ZBTB7C: variants seen among roughly 807,000 people sequenced by gnomAD.
The protein encoded by ZBTB7C is zinc finger and BTB domain containing 7C, also known as zinc finger and BTB domain-containing protein 7C.
Under a neutral mutation model 25.7 loss-of-function variants are expected in ZBTB7C, and 8 were observed. That is an observed-to-expected ratio of 0.31 (90% CI 0.18 to 0.56). The LOEUF is 0.56. ZBTB7C is among the 20% of genes least tolerant of loss of function. The pLI, the probability that ZBTB7C is intolerant of heterozygous loss-of-function variation, is 0.91. For synonymous variants in ZBTB7C, 394 were observed against 369.0 expected (o/e 1.07, Z -0.78); for missense variants, 824 against 855.2 (o/e 0.96, Z 0.46).
chr18:48,228,596 G>A (rs948658066), intron 2 of ZBTB7C, among the ~76,000 whole-genome samples: 1 of 151,992 alleles, frequency 6.6e-6, no homozygotes. Context: ...CAGGAAGAAG[G>A]GCAGTAGTCC....
chr18:48,378,656 A>C (rs1405827668), intron 1 of ZBTB7C, among the ~76,000 whole-genome samples: 1 of 152,196 alleles, frequency 6.6e-6, no homozygotes, highest in Non-Finnish European at 1.5e-5. Flanking sequence ...CAAAACAAAC[A>C]ACTTGGAAAG....
chr18:48,034,479 G>C (rs1239152961), intron 4 of ZBTB7C, among the ~76,000 whole-genome samples: 1 of 152,010 alleles, frequency 6.6e-6, no homozygotes. Flanking sequence ...GCCAAGCCCA[G>C]AGCCAGGGTG....
chr18:48,103,093 ATATAT>A (rs10580630), intron 3 of ZBTB7C, among the ~76,000 whole-genome samples: 22,300 of 111,914 alleles, frequency 0.2, 2,050 homozygotes, highest in East Asian at 0.23. Context: ...TATATCTTAT[ATATAT>A]TATATATTTT....
At chr18:48,043,144 G>A (rs2036325265) in intron 3 of ZBTB7C, among the ~76,000 whole-genome samples, 1 of 152,246 alleles carries the variant, frequency 6.6e-6, no homozygotes, top group Admixed American at 6.5e-5. Flanking sequence ...TGGTAGGAAT[G>A]TAGAATGGTA....
At chr18:48,272,687 A>G (rs190169394) in intron 2 of ZBTB7C, among the ~76,000 whole-genome samples, 87 of 152,350 alleles carry the variant, frequency 5.7e-4, no homozygotes, top group Non-Finnish European at 9.7e-4. Context: ...ATCTGCCCTC[A>G]CAAAAACTTG....
At chr18:48,360,897 C>G (rs2047089980) in intron 1 of ZBTB7C, among the ~76,000 whole-genome samples, 1 of 152,062 alleles carries the variant, frequency 6.6e-6, no homozygotes, top group Non-Finnish European at 1.5e-5. Context: ...TCCCTGAAAG[C>G]TGGTTGTTAG....
Position 48,355,524 on chromosome 18 carries a change from A to C in ZBTB7C, c.-303-17126T>G, listed in dbSNP as rs190465035. On this transcript the variant is annotated intron_variant, in intron 1 of 4. Transcript: ENST00000590800. ...CCTTCCTGCCCCTCCTAGGAACCCC[A>C]CTTAGCCATTCGCTTCCGCACTATC... Among the ~76,000 whole-genome samples, 444 of 152,060 alleles carry C rather than the reference A, an allele frequency of 2.9e-3. 3 individuals are homozygous for C. The highest frequency in any genetic ancestry group is 4.3e-3 in the Non-Finnish European group (295 of 67,946).
chr18:48,184,341 T>C (rs12957159), intron 3 of ZBTB7C, among the ~76,000 whole-genome samples: 32,647 of 152,126 alleles, frequency 0.21, 3,767 homozygotes, highest in South Asian at 0.28. Flanking sequence ...ATCTGAGCAA[T>C]GTCCAGTTAT....
chr18:48,391,782 C>T (rs11663367), intron 1 of ZBTB7C, among the ~76,000 whole-genome samples: 23,009 of 152,164 alleles, frequency 0.15, 2,231 homozygotes, highest in Non-Finnish European at 0.22. Context: ...ACATCTCTCA[C>T]GAGATCCCAA....
rs76186456 is a variant in ZBTB7C, at chr18:48,059,111, T to C, written c.-16-17988A>G. ...GCTATGGTTTTGGGGCATTTTGTTA[T>C]GCAGAAACAGCTAACTAATGTACAT... On this transcript the variant is annotated intron_variant, in intron 3 of 4. Coordinates refer to ENST00000590800, the MANE Select transcript of ZBTB7C (RefSeq NM_001318841.2). Among the ~76,000 whole-genome samples, 69 of 152,328 alleles carry C rather than the reference T, an allele frequency of 4.5e-4. 1 individual carries two copies. The East Asian group carries it at 0.012, about 27-fold the overall frequency.
chr18:48,322,569 A>C (rs1027466692), intron 2 of ZBTB7C, among the ~76,000 whole-genome samples: 3 of 152,196 alleles, frequency 2.0e-5, no homozygotes, highest in Non-Finnish European at 4.4e-5. Context: ...GGATGCGATA[A>C]AAAGGGAACA....
intron 3 of ZBTB7C, among the ~76,000 whole-genome samples, chr18:48,076,350 C>A (rs2037764292): frequency 6.6e-6 from 1 of 152,092 alleles, no homozygotes; most frequent in South Asian, 2.1e-4. Flanking sequence ...TTATAAATAA[C>A]CACAAGGTTT....
Position 48,261,358 on chromosome 18 carries a change from G to C in ZBTB7C, c.-78-75363C>G, listed in dbSNP as rs551309082. The stretch of plus-strand genomic sequence containing the variant: ...AAGTGATGATGGGGCAGATAGACTA[G>C]AGCTGGAGCTCACACTGGATCAGCT... On this transcript the variant is annotated intron_variant, in intron 2 of 4. Coordinates refer to ENST00000590800, the MANE Select transcript of ZBTB7C (RefSeq NM_001318841.2). Among the ~76,000 whole-genome samples the C allele has an allele frequency of 3.3e-5, 5 of 152,142 alleles. No homozygotes were observed. In the South Asian group the frequency reaches 1.0e-3, roughly 32 times the overall value.
intron 2 of ZBTB7C, among the ~76,000 whole-genome samples, chr18:48,330,236 G>A (rs1170029329): frequency 3.9e-5 from 6 of 152,220 alleles, no homozygotes; most frequent in Non-Finnish European, 8.8e-5. Context: ...CCAGAGCAGG[G>A]CACCTGGGCA....
chr18:48,076,688 A>C (rs2037777183), intron 3 of ZBTB7C, among the ~76,000 whole-genome samples: 1 of 152,298 alleles, frequency 6.6e-6, no homozygotes, highest in South Asian at 2.1e-4. Flanking sequence ...GCAGGAGCCT[A>C]GTTCAAGTTG....
chr18:48,075,958 C>G (rs1490335272), intron 3 of ZBTB7C, among the ~76,000 whole-genome samples: 1 of 152,244 alleles, frequency 6.6e-6, no homozygotes, highest in Non-Finnish European at 1.5e-5. Context: ...CGCCTCTTGG[C>G]ATGTAGTACC....
chr18:48,096,654 G>A (rs2038644708), intron 3 of ZBTB7C, among the ~76,000 whole-genome samples: 1 of 152,124 alleles, frequency 6.6e-6, no homozygotes, highest in South Asian at 2.1e-4. Context: ...GAGGGGACAG[G>A]TGAAAAGATG....
At chr18:48,250,792 T>TA (rs2043830014) in intron 2 of ZBTB7C, among the ~76,000 whole-genome samples, 1 of 151,592 alleles carries the variant, frequency 6.6e-6, no homozygotes, top group Admixed American at 6.6e-5. Flanking sequence ...TTTTTTTTTT[T>TA]ATATCCAGTC....
At chr18:48,389,831 G>T (rs527803253) in intron 1 of ZBTB7C, among the ~76,000 whole-genome samples, 2 of 150,942 alleles carry the variant, frequency 1.3e-5, no homozygotes, top group African/African-American at 5.0e-5. Context: ...CTGGCACGAA[G>T]AGGCACTTGA....
Sources: allele counts gnomAD v4.1 joint callset (sites outside exome capture counted in the v4.1 genomes callset), GRCh38; gene constraint gnomAD v4.1.1; transcripts MANE v1.5; gene names NCBI Gene and HGNC (gene_info 2026-07-23, HGNC 2026-07-21).